The following EFL1 variants were observed in gnomAD, a reference collection of about 807,000 sequenced individuals.
EFL1 encodes elongation factor-like GTPase 1.
In EFL1, 76 loss-of-function variants were observed where a neutral mutation model predicts 126.7. The observed-to-expected ratio is 0.60, with a 90% CI of 0.50 to 0.73. The LOEUF (loss-of-function observed/expected upper bound fraction) is 0.73. Among genes scored for constraint, EFL1 ranks in the 30% least tolerant of loss-of-function variants. EFL1 has a pLI of 0.00. For missense variants in EFL1, 1,128 were observed against 1,343.2 expected (o/e 0.84, Z 2.50); for synonymous variants, 410 against 448.4 (o/e 0.91, Z 1.08).
intron 11 of EFL1, among the ~76,000 whole-genome samples, chr15:82,226,852 C>T (rs2141311045): frequency 6.6e-6 from 1 of 152,108 alleles, no homozygotes; most frequent in East Asian, 1.9e-4. Context: ...GGGGAGGAAT[C>T]ACAAAAAGAG....
chr15:82,259,629 A>T (rs2075095805), intron 2 of EFL1, among the ~76,000 whole-genome samples: 1 of 152,222 alleles, frequency 6.6e-6, no homozygotes, highest in Non-Finnish European at 1.5e-5. Context: ...ATCTACTTTA[A>T]AGCAAAAGAA....
intron 18 of EFL1, among the ~76,000 whole-genome samples, chr15:82,149,130 T>A (rs1439331673): frequency 6.6e-6 from 1 of 152,200 alleles, no homozygotes; most frequent in African/African-American, 2.4e-5. Context: ...ATCAATGTGT[T>A]AAGATGGTGG....
chr15:82,184,291 A>G (rs952602635), intron 15 of EFL1, among the ~76,000 whole-genome samples: 2 of 152,218 alleles, frequency 1.3e-5, no homozygotes, highest in Admixed American at 1.3e-4. Context: ...AGCATGAGGT[A>G]AGTAATAAAG....
In EFL1 at chr15:82,152,245, C is replaced by CA; in HGVS notation, c.2208dup (p.Asp737Ter). The CA allele has an allele frequency of 6.2e-7, 1 of 1,614,190 alleles. No homozygotes were observed. The highest frequency in any genetic ancestry group is 1.1e-5 in the South Asian group (1 of 91,086). On this transcript the variant is annotated frameshift_variant, in exon 18 of 20. Transcript: ENST00000268206. LOFTEE classifies it high-confidence loss of function. ...GGAGTTGTTATGGTGATTAGCCCGT[C>CA]AGAGTCAACTTGGATTCCTTCAGGG...
intron 8 of EFL1, 85 bp from the exon 9 acceptor site, chr15:82,229,195 T>C: frequency 2.9e-6 from 3 of 1,018,058 alleles, no homozygotes; most frequent in African/African-American, 1.7e-5. Flanking sequence ...TTATTATCAA[T>C]ATGTTTCATT....
intron 4 of EFL1, among the ~76,000 whole-genome samples, chr15:82,246,084 A>T (rs1407933905): frequency 6.6e-6 from 1 of 152,090 alleles, no homozygotes; most frequent in Non-Finnish European, 1.5e-5. Flanking sequence ...AAACTAGACC[A>T]CGTACAGACC....
intron 15 of EFL1, among the ~76,000 whole-genome samples, chr15:82,204,653 T>C (rs1006895320): frequency 3.9e-5 from 6 of 152,244 alleles, no homozygotes; most frequent in African/African-American, 1.4e-4. Context: ...CCAAAAATAC[T>C]AAGAATAGAG....
chr15:82,167,204 C>A (rs1719027038), intron 15 of EFL1, among the ~76,000 whole-genome samples: 1 of 152,110 alleles, frequency 6.6e-6, no homozygotes, highest in African/African-American at 2.4e-5. Context: ...GCCAAGAATT[C>A]TAGTTTTTAT....
chr15:82,148,002 T>A (rs535283299), intron 18 of EFL1, among the ~76,000 whole-genome samples: 1 of 152,318 alleles, frequency 6.6e-6, no homozygotes, highest in East Asian at 1.9e-4. Context: ...TTCTCCAAAA[T>A]GAGTGGGACC....
chr15:82,131,067 T>C (rs1567033612), intron 19 of EFL1, among the ~76,000 whole-genome samples: 1 of 152,016 alleles, frequency 6.6e-6, no homozygotes, highest in Non-Finnish European at 1.5e-5. Flanking sequence ...CAAATGGAAG[T>C]AGATTCAACA....
intron 15 of EFL1, among the ~76,000 whole-genome samples, chr15:82,172,659 TC>T (rs2074149185): frequency 6.6e-6 from 1 of 152,172 alleles, no homozygotes; most frequent in Non-Finnish European, 1.5e-5. Flanking sequence ...ACCACGTAAA[TC>T]AAAGGAAGAA....
Position 82,196,321 on chromosome 15 carries a change from G to A in EFL1, c.1750+18396C>T, listed in dbSNP as rs555871997. On this transcript the variant is annotated intron_variant, in intron 15 of 19. Transcript: ENST00000268206. The stretch of plus-strand genomic sequence containing the variant: ...AACTATCAGCTGCCCAAGCTTGGAG[G>A]AGACCCAGCCTCTCTGTGAGTCTCA... Among the ~76,000 whole-genome samples the A allele has an allele frequency of 5.3e-5, 8 of 152,282 alleles. No individual in the cohort carries two copies. In the South Asian group the frequency reaches 1.5e-3, roughly 28 times the overall value.
intron 18 of EFL1, among the ~76,000 whole-genome samples, chr15:82,139,473 A>C (rs2073761352): frequency 6.6e-6 from 1 of 152,278 alleles, no homozygotes; most frequent in African/African-American, 2.4e-5. Flanking sequence ...TCCACTAGCA[A>C]ATTCTCTTGG....
chr15:82,196,825 A>C (rs1261377977), intron 15 of EFL1, among the ~76,000 whole-genome samples: 3 of 152,192 alleles, frequency 2.0e-5, no homozygotes, highest in African/African-American at 7.2e-5. Flanking sequence ...CGAGGTCAGG[A>C]GTTCGAGACC....
Position 82,230,618 on chromosome 15 carries a change from A to G in EFL1, c.855+230T>C, listed in dbSNP as rs72749592. ...CTTCTGAAAAAAAAAGAAAAGAAAG[A>G]AAAGAAAAGGCAGTTCTTTGCTCAC... On this transcript the variant is annotated intron_variant, in intron 8 of 19. Transcript: ENST00000268206. 6.9e-3 allele frequency among the ~76,000 whole-genome samples: 1,049 copies of G among 152,236 alleles called. 9 individuals carry two copies. The highest frequency in any genetic ancestry group is 8.1e-3 in the Non-Finnish European group (554 of 68,002).
At chr15:82,154,623 T>C (rs1370517196) in intron 17 of EFL1, among the ~76,000 whole-genome samples, 1 of 152,106 alleles carries the variant, frequency 6.6e-6, no homozygotes, top group Non-Finnish European at 1.5e-5. Context: ...AACAGAACAG[T>C]CTTAGCCCTC....
intron 12 of EFL1, among the ~76,000 whole-genome samples, chr15:82,223,606 C>A (rs1353776529): frequency 6.6e-6 from 1 of 152,144 alleles, no homozygotes; most frequent in Non-Finnish European, 1.5e-5. Flanking sequence ...ACATGTATTT[C>A]AAATCTTAAC....
chr15:82,222,014 C>T (rs1444588717), intron 12 of EFL1, among the ~76,000 whole-genome samples: 1 of 152,096 alleles, frequency 6.6e-6, no homozygotes, highest in Non-Finnish European at 1.5e-5. Flanking sequence ...TAGACTTTTG[C>T]TAAAAACTCA....
chr15:82,261,261 T>A (rs1422495075), intron 2 of EFL1, among the ~76,000 whole-genome samples: 1 of 152,200 alleles, frequency 6.6e-6, no homozygotes, highest in African/African-American at 2.4e-5. Flanking sequence ...AAACCTCCCC[T>A]GGGCTAGTGC....
Sources: gnomAD v4.1 joint callset for allele counts (sites outside exome capture counted in the v4.1 genomes callset) on GRCh38, gnomAD v4.1.1 for gene constraint, MANE v1.5 for transcripts, NCBI Gene and HGNC (gene_info 2026-07-23, HGNC 2026-07-21) for gene names.